The following DIXDC1 variants were observed in gnomAD, a reference collection of about 807,000 sequenced individuals.
DIXDC1 encodes the protein DIX domain containing 1, also known as dixin.
A neutral mutation model predicts 103.1 loss-of-function variants in DIXDC1; 64 were observed. The ratio of observed to expected loss-of-function variants is 0.62; its 90% CI spans 0.51 to 0.76. DIXDC1 has a LOEUF of 0.76. DIXDC1 is among the 30% of genes least tolerant of loss of function. The pLI is 0.00. For missense variants in DIXDC1, 759 were observed against 834.2 expected (o/e 0.91, Z 1.11); for synonymous variants, 266 against 298.5 (o/e 0.89, Z 1.12).
intron 17 of DIXDC1, among the ~76,000 whole-genome samples, chr11:112,007,159 C>T (rs889075756): frequency 5.3e-5 from 8 of 152,050 alleles, no homozygotes; most frequent in African/African-American, 1.7e-4. Flanking sequence ...TTGTGATGCA[C>T]GCACAAGCTT....
intron 1 of DIXDC1, among the ~76,000 whole-genome samples, chr11:111,943,593 G>A (rs1048896820): frequency 2.7e-5 from 4 of 146,748 alleles, no homozygotes; most frequent in Non-Finnish European, 5.9e-5. Context: ...TCCGCCTCCC[G>A]GGTTCAAGCA....
At chr11:112,004,124 A>ATG (rs1205294239) in intron 17 of DIXDC1, among the ~76,000 whole-genome samples, 3 of 149,912 alleles carry the variant, frequency 2.0e-5, no homozygotes, top group Non-Finnish European at 3.0e-5. Flanking sequence ...GTATATATAT[A>ATG]TGTGTGTGTA....
chr11:111,937,127 C>CGGGGGGG (rs200146124), upstream of DIXDC1: 42 of 519,566 alleles, frequency 8.1e-5, no homozygotes, highest in African/African-American at 1.5e-4. Context: ...TGCTGCGGCC[C>CGGGGGGG]GGGCGGGGGG....
chr11:112,000,495 G>T (rs1008253135), intron 17 of DIXDC1, among the ~76,000 whole-genome samples: 1 of 152,024 alleles, frequency 6.6e-6, no homozygotes, highest in African/African-American at 2.4e-5. Flanking sequence ...TCAGGAGATC[G>T]AGACCACCCT....
intron 6 of DIXDC1, among the ~76,000 whole-genome samples, chr11:111,981,355 AT>A (rs373988498): frequency 2.0e-4 from 30 of 152,292 alleles, no homozygotes; most frequent in African/African-American, 6.7e-4. Flanking sequence ...GTTGCTCTTT[AT>A]TTTTTCTTAC....
At chr11:112,012,803 T>C (rs782398221) in intron 17 of DIXDC1, among the ~76,000 whole-genome samples, 4 of 152,236 alleles carry the variant, frequency 2.6e-5, no homozygotes, top group Non-Finnish European at 5.9e-5. Context: ...GCTTTTTTAC[T>C]TGAAAAGTCT....
At chr11:112,014,230 A>G (rs587611531) in intron 17 of DIXDC1, among the ~76,000 whole-genome samples, 33 of 152,306 alleles carry the variant, frequency 2.2e-4, no homozygotes, top group African/African-American at 7.2e-4. Context: ...CTGCGAGATC[A>G]ACTTTTCTAA....
Position 112,017,833 on chromosome 11 carries a change from A to C in DIXDC1, c.1919A>C (p.His640Pro). Residue 640 changes from histidine (H) to proline (P), a missense_variant, in exon 19 of 20, where the codon CAC (histidine) becomes CCC (proline). By Grantham distance (77) the His-to-Pro change is moderately conservative. This residue lies in a region of DIXDC1 where 657 missense variants were observed against 727.5 expected (regional missense o/e 0.90). Transcript: ENST00000440460. The surrounding 1 kb of genome is among the most constrained non-coding windows in gnomAD (Gnocchi z 4.0). ...GCAGCTATTGATCGGGAAGGAAATCACCGGTATCACTTCAAAGCACTGGAT... is the reference window on the plus strand; with the variant it reads ...GCAGCTATTGATCGGGAAGGAAATCCCCGGTATCACTTCAAAGCACTGGAT... ...FKAAIDREGN[H>P]RYHFKALDPE... The C allele has an allele frequency of 6.2e-7, 1 of 1,611,894 alleles. No homozygotes were observed. The highest frequency in any genetic ancestry group is 8.5e-7 in the Non-Finnish European group (1 of 1,178,850).
In DIXDC1 at chr11:111,995,481, A is replaced by T. The variant is rs1407485044; in HGVS notation, c.1606A>T (p.Thr536Ser). The change falls in exon 16 of 20, where the codon ACT becomes TCT. Residue 536 changes from threonine to serine, a missense_variant. Thr to Ser is a moderately conservative substitution (Grantham distance 58, BLOSUM62 1). Transcript: ENST00000440460. ...CAGTGGCCACGATCCTCAGCACCAC[A>T]CTATTGACAGCTTGGAGCAGGGCAT... Reference protein sequence around the residue: ...SFSGHDPQHHTIDSLEQGISS... With the variant: ...SFSGHDPQHHSIDSLEQGISS... The T allele has an allele frequency of 1.2e-6, 2 of 1,613,978 alleles. No individual in the cohort carries two copies. The highest frequency in any genetic ancestry group is 8.5e-7 in the Non-Finnish European group (1 of 1,179,902).
chr11:111,947,828 A>C (rs1966649204), intron 1 of DIXDC1, among the ~76,000 whole-genome samples: 1 of 152,120 alleles, frequency 6.6e-6, no homozygotes. Flanking sequence ...TTTTTTCATC[A>C]ATGATTTAAT....
chr11:111,945,272 CTTACAACTTTGAGAGAGA>C (rs1405274609), intron 1 of DIXDC1, among the ~76,000 whole-genome samples: 1 of 152,182 alleles, frequency 6.6e-6, no homozygotes, highest in Non-Finnish European at 1.5e-5. Flanking sequence ...AGTTTTATAT[CTTACAACTTTGAGAGAGA>C]TGAGGGAGGA....
At chr11:111,966,189 T>G (rs1407211634) in intron 2 of DIXDC1, among the ~76,000 whole-genome samples, 2 of 135,628 alleles carry the variant, frequency 1.5e-5, no homozygotes, top group Non-Finnish European at 3.2e-5. Context: ...TCCCATTCCC[T>G]CCCCTGCAAA....
chr11:111,989,981 G>A (rs1296340), intron 10 of DIXDC1, among the ~76,000 whole-genome samples: 16 of 150,922 alleles, frequency 1.1e-4, no homozygotes, highest in Admixed American at 6.6e-4. Context: ...TAGTAGAGAC[G>A]GGGTTTCACC....
chr11:112,017,773 G>T lies in DIXDC1; in HGVS notation c.1863-4G>T, dbSNP rs1861639160. On this transcript the variant is annotated splice_region_variant and splice_polypyrimidine_tract_variant and intron_variant, in intron 18 of 19. Coordinates refer to ENST00000440460, the MANE Select transcript of DIXDC1 (RefSeq NM_001037954.4). The surrounding 1 kb of genome is among the most constrained non-coding windows in gnomAD (Gnocchi z 4.0). Reference sequence around the variant, plus strand: ...TATTTTAGTGCTCTCTCCTTGTGTTGCAGGTTGGAGGAGGTGACGTTAAAG... The same window carrying T: ...TATTTTAGTGCTCTCTCCTTGTGTTTCAGGTTGGAGGAGGTGACGTTAAAG... 1 of 1,604,722 alleles carries T rather than the reference G, an allele frequency of 6.2e-7. No individual in the cohort carries two copies. The highest frequency in any genetic ancestry group is 1.7e-5 in the Admixed American group (1 of 58,800).
intron 17 of DIXDC1, among the ~76,000 whole-genome samples, chr11:112,012,302 G>C (rs1861448964): frequency 6.6e-6 from 1 of 152,178 alleles, no homozygotes; most frequent in East Asian, 1.9e-4. Flanking sequence ...GGACCATACT[G>C]TCTGATATCA....
In DIXDC1 at chr11:111,992,478, C is replaced by T. The variant is rs782201545; in HGVS notation, c.1177C>T (p.Leu393=). Residue 393 remains leucine, a synonymous_variant, in exon 11 of 20, where the codon CTG becomes TTG. Transcript: ENST00000440460. ...TGTTCTTCAGCTCAAACAAGAGCTACTGAGGGCAAATATGGACAAAGATGA... is the reference window on the plus strand; with the variant it reads ...TGTTCTTCAGCTCAAACAAGAGCTATTGAGGGCAAATATGGACAAAGATGA... ...TSVLQLKQEL[L]RANMDKDELH... 6.3e-6 allele frequency: 10 copies of T among 1,579,442 alleles called. No homozygotes were observed. The highest frequency in any genetic ancestry group is 2.6e-6 in the Non-Finnish European group (3 of 1,161,926).
At chr11:111,961,840 C>G (rs782799574) in intron 1 of DIXDC1, among the ~76,000 whole-genome samples, 12 of 152,234 alleles carry the variant, frequency 7.9e-5, no homozygotes, top group Non-Finnish European at 1.8e-4. Context: ...CTCTAAGAGT[C>G]AAATAATTCT....
At position 111,968,614 on chromosome 11, in the gene DIXDC1, C is replaced by T. The variant is rs782619996; in HGVS notation, c.292C>T (p.Arg98Cys). 30 of 1,610,506 alleles carry T rather than the reference C, an allele frequency of 1.9e-5. No individual in the cohort carries two copies. Among genetic ancestry groups the T allele is most frequent in the Non-Finnish European group, 2.4e-5 (28 of 1,178,350 alleles). ...VLQFVASKKIRMHQTSAKDIV... is the reference protein window; with the variant it reads ...VLQFVASKKICMHQTSAKDIV... ...ACAGTTTGTGGCCTCTAAAAAGATTCGTATGCACCAGACTTCGGCTAAAGG... is the reference window on the plus strand; with the variant it reads ...ACAGTTTGTGGCCTCTAAAAAGATTTGTATGCACCAGACTTCGGCTAAAGG... Residue 98 changes from arginine (R) to cysteine (C), a missense_variant, in exon 3 of 20, where the codon CGT becomes TGT. Arg to Cys is a radical substitution (Grantham distance 180, BLOSUM62 -3). Transcript: ENST00000440460.
chr11:112,008,206 C>T (rs587702928), intron 17 of DIXDC1, among the ~76,000 whole-genome samples: 23 of 150,224 alleles, frequency 1.5e-4, no homozygotes, highest in Admixed American at 1.5e-3. Context: ...CAACAAAGAT[C>T]AAAAGAGACA....
Sources: allele counts gnomAD v4.1 joint callset (sites outside exome capture counted in the v4.1 genomes callset), GRCh38; gene constraint gnomAD v4.1.1; regional missense constraint gnomAD v4.1.1; non-coding constraint Gnocchi (gnomAD v3.1); transcripts MANE v1.5; gene names NCBI Gene and HGNC (gene_info 2026-07-23, HGNC 2026-07-21).